LTBP4: variants seen among roughly 807,000 people sequenced by gnomAD.
LTBP4 encodes the protein latent-transforming growth factor beta-binding protein 4.
Under a neutral mutation model 180.2 loss-of-function variants are expected in LTBP4, and 93 were observed. The ratio of observed to expected loss-of-function variants is 0.52; its 90% confidence interval spans 0.44 to 0.61. The LOEUF (loss-of-function observed/expected upper bound fraction) is 0.61, where lower values mean the gene tolerates loss of function less well. Ranked by LOEUF, LTBP4 falls within the 20% of genes least tolerant of loss-of-function variation. LTBP4 has a pLI of 0.00. For synonymous variants in LTBP4, 947 were observed against 934.5 expected (o/e 1.01, Z -0.24); for missense variants, 2,116 against 2,256.5 (o/e 0.94, Z 1.26).
intron 21 of LTBP4, 72 bp from the exon 22 acceptor site, chr19:40,619,275 A>G: frequency 1.3e-6 from 2 of 1,493,716 alleles, no homozygotes; most frequent in Non-Finnish European, 1.8e-6. Flanking sequence ...GAAAGCTGAG[A>G]CTTTCGGACC....
rs1450735977 is a variant in LTBP4, at chr19:40,621,374, ATTTGGTCTTCTGTTT to A, written c.3218-1026_3218-1012del. Among the ~76,000 whole-genome samples, 3 of 152,102 alleles carry A rather than the reference ATTTGGTCTTCTGTTT, an allele frequency of 2.0e-5. No individual in the cohort carries two copies. The East Asian group carries it at 5.8e-4, about 29-fold the overall frequency. On this transcript the variant is annotated intron_variant, in intron 22 of 29. Coordinates refer to ENST00000396819, the MANE Select transcript of LTBP4 (RefSeq NM_001042545.2). ...TCACTTGTAAGTGAGAACATGTGGT[ATTTGGTCTTCTGTTT>A]CTGCATTAATTTGCTTAGGATAATG...
chr19:40,627,291 G>A lies in LTBP4; in HGVS notation c.4302G>A (p.Arg1434=). Residue 1434 remains arginine, a synonymous_variant, in exon 28 of 30, where the codon CGG becomes CGA. Coordinates refer to ENST00000396819, the MANE Select transcript of LTBP4 (RefSeq NM_001042545.2). ...GCCCGGGCACCCGCTGGCCCTATCGGTCCCGGGACACCCGCCGCTCCTTCC... is the reference window on the plus strand; with the variant it reads ...GCCCGGGCACCCGCTGGCCCTATCGATCCCGGGACACCCGCCGCTCCTTCC... The part of the protein sequence containing the change: ...PPGPGTRWPY[R]SRDTRRSFPE... The A allele has an allele frequency of 6.6e-7, 1 of 1,508,012 alleles. No individual in the cohort carries two copies. Among genetic ancestry groups the A allele is most frequent in the Admixed American group, 2.0e-5 (1 of 50,024 alleles). 93.4% of individuals were successfully genotyped at this position (1,508,012 alleles called of 1,614,324 possible).
Position 40,629,380 on chromosome 19 carries a change from T to C in LTBP4, c.4520-16T>C, listed in dbSNP as rs771065748. 6.2e-7 allele frequency: 1 copy of C among 1,612,364 alleles called. No individual in the cohort carries two copies. The highest frequency in any genetic ancestry group is 1.1e-5 in the South Asian group (1 of 91,086). On this transcript the variant is annotated splice_polypyrimidine_tract_variant and intron_variant, in intron 29 of 29. Coordinates refer to ENST00000396819, the MANE Select transcript of LTBP4 (RefSeq NM_001042545.2). The surrounding 1 kb of genome is among the most constrained non-coding windows in gnomAD (Gnocchi z 4.5). ...GGCCCCAGCCTTCAGCAGCGATCGT[T>C]GTCTCCCCTCCGCAGACATCAACGA...
rs768958537 is a variant in LTBP4 at position 40,613,847 on chromosome 19, G to A, written c.2558-69G>A. On this transcript the variant is annotated intron_variant, in intron 17 of 29. Transcript: ENST00000396819. The surrounding 1 kb of genome is among the most constrained non-coding windows in gnomAD (Gnocchi z 5.0). ...GGCCTAGGAGAGCCGAGGGGCGGTG[G>A]AGGGGTGTGGCCTAGAATGTTAGGC... 6.2e-7 allele frequency: 1 copy of A among 1,604,350 alleles called. No individual in the cohort carries two copies. The highest frequency in any genetic ancestry group is 8.5e-7 in the Non-Finnish European group (1 of 1,176,112).
upstream of LTBP4, chr19:40,600,204 T>A: frequency 8.3e-7 from 1 of 1,202,692 alleles, no homozygotes; most frequent in Non-Finnish European, 1.1e-6. This position sits in a 1 kb window ranked among gnomAD's most constrained non-coding sequence, Gnocchi z 4.4. Flanking sequence ...TTCCTCCGCC[T>A]GGGGCGAGGG....
intron 12 of LTBP4, chr19:40,610,890 G>A (rs1056327809): frequency 1.4e-6 from 1 of 735,830 alleles, no homozygotes; most frequent in Non-Finnish European, 2.2e-6. Flanking sequence ...GAATGAGGAG[G>A]GATGGAGATG....
rs2081639330 is a variant in LTBP4 at position 40,627,058 on chromosome 19, T to G, written c.4069T>G (p.Tyr1357Asp). ...AGGTGGCTTTGGACTCCCCTACGAG[T>G]ACGGCCCAGACTTAGGTCCACCTTA... is the stretch of plus-strand genomic sequence containing the variant. ...RPGGFGLPYE[Y>D]GPDLGPPYQG... is the part of the protein sequence containing the mutation. The change falls in exon 28 of 30, where the codon TAC (tyrosine) becomes GAC (aspartate). Residue 1357 changes from tyrosine to aspartate, a missense_variant. Tyr to Asp is a radical substitution (Grantham distance 160). This residue lies in a region of LTBP4 where 488 missense variants were observed against 458.8 expected (regional missense o/e 1.06). Transcript: ENST00000396819. The G allele has an allele frequency of 6.2e-7, 1 of 1,613,454 alleles. No homozygotes were observed. Among genetic ancestry groups the G allele is most frequent in the Non-Finnish European group, 8.5e-7 (1 of 1,179,644 alleles).
In LTBP4 at chr19:40,617,016, C is replaced by T; in HGVS notation, c.2940C>T (p.Cys980=). Residue 980 remains cysteine, a synonymous_variant, in exon 20 of 30, where the codon TGC becomes TGT. Coordinates refer to ENST00000396819, the MANE Select transcript of LTBP4 (RefSeq NM_001042545.2). ...ATCAGCCCACGCCAGGGGGCGGATG[C>T]CAGGGTGGGTGTCCATCAGGCATCG... The part of the protein sequence containing the change: ...PGYQPTPGGG[C]QDVDECRNRS... The T allele has an allele frequency of 6.2e-7, 1 of 1,612,910 alleles. No individual in the cohort carries two copies. The highest frequency in any genetic ancestry group is 1.1e-5 in the South Asian group (1 of 91,068).
At chr19:40,597,039 GC>G (rs1398022791), upstream of LTBP4, among the ~76,000 whole-genome samples, 1 of 152,116 alleles carries the variant, frequency 6.6e-6, no homozygotes, top group Non-Finnish European at 1.5e-5. Context: ...TGTCCCTGCT[GC>G]CTCCTGATTG....
In LTBP4 at chr19:40,608,242, G is replaced by T; in HGVS notation, c.1179G>T (p.Pro393=). The T allele has an allele frequency of 6.2e-7, 1 of 1,613,924 alleles. No homozygotes were observed. Among genetic ancestry groups the T allele is most frequent in the East Asian group, 2.2e-5 (1 of 44,880 alleles). ...FGSEGFREIC[P]AGPGYHYSAS... is the part of the protein sequence containing the mutation. ...CAGAGGGTTTCCGGGAGATCTGCCC[G>T]GCTGGTCCTGGTTACCACTACTCGG... Residue 393 remains proline (P), a synonymous_variant, in exon 8 of 30, where the codon CCG becomes CCT. Transcript: ENST00000396819.
In LTBP4 at chr19:40,611,993, G is replaced by T. The variant is rs375581403; in HGVS notation, c.2179+9G>T. 3.1e-6 allele frequency: 5 copies of T among 1,610,938 alleles called. No individual in the cohort carries two copies. In the African/African-American group the frequency reaches 4.0e-5, roughly 13 times the overall value. The stretch of plus-strand genomic sequence containing the variant: ...TGGCTCCGAGTGCGAGGGTGAGGCC[G>T]GGGAGGGAGGGAGGAGTGTGGATGG... On this transcript the variant is annotated intron_variant, in intron 14 of 29. Transcript: ENST00000396819. This position sits in a 1 kb window ranked among gnomAD's most constrained non-coding sequence, Gnocchi z 4.4.
chr19:40,627,028 C>A lies in LTBP4; in HGVS notation c.4039C>A (p.Arg1347=), dbSNP rs1382026467. The change falls in exon 28 of 30, where the codon CGA becomes AGA. Residue 1347 remains arginine, a synonymous_variant. Transcript: ENST00000396819. ...VLRPPAYSPP[R]PGGFGLPYEY... ...ACGCCCCCCCGCATATAGCCCCCCGCGACCAGGTGGCTTTGGACTCCCCTA... is the reference window on the plus strand; with the variant it reads ...ACGCCCCCCCGCATATAGCCCCCCGAGACCAGGTGGCTTTGGACTCCCCTA... 1.9e-6 allele frequency: 3 copies of A among 1,604,144 alleles called. No individual in the cohort carries two copies. The highest frequency in any genetic ancestry group is 1.7e-5 in the Admixed American group (1 of 59,304).
At position 40,629,608 on chromosome 19, in the gene LTBP4, TC is replaced by T. The variant is rs2068817983; in HGVS notation, c.*60del. 1.4e-5 allele frequency: 18 copies of T among 1,323,570 alleles called. No individual in the cohort carries two copies. In the South Asian group the frequency reaches 3.3e-4, roughly 24 times the overall value. 82.0% of individuals were successfully genotyped at this position (1,323,570 alleles called of 1,614,324 possible). On this transcript the variant is annotated 3_prime_UTR_variant, in exon 30 of 30. Coordinates refer to ENST00000396819, the MANE Select transcript of LTBP4 (RefSeq NM_001042545.2). The surrounding 1 kb of genome is among the most constrained non-coding windows in gnomAD (Gnocchi z 4.5). ...CGCCACTCGGGGCCCCTGCCGCGCA[TC>T]CTGCAGCCCGCTTATGCGTATGTGC...
intron 1 of LTBP4, among the ~76,000 whole-genome samples, chr19:40,602,732 C>T (rs959843415): frequency 2.0e-5 from 3 of 152,186 alleles, no homozygotes; most frequent in South Asian, 2.1e-4. Flanking sequence ...CTCAACTCCC[C>T]GCTTGGCCAG....
chr19:40,612,156 C>T lies in LTBP4; in HGVS notation c.2263C>T (p.Pro755Ser). 2 of 1,611,402 alleles carry T rather than the reference C, an allele frequency of 1.2e-6. No homozygotes were observed. Among genetic ancestry groups the T allele is most frequent in the South Asian group, 2.2e-5 (2 of 90,302 alleles). The change falls in exon 15 of 30, where the codon CCT becomes TCT. Residue 755 changes from proline (P) to serine (S), a missense_variant. Pro to Ser is a moderately conservative substitution (Grantham distance 74). Coordinates refer to ENST00000396819, the MANE Select transcript of LTBP4 (RefSeq NM_001042545.2). ...CGGCTCCTTCCAGTGCAGGACCTGTCCTTCTGGCCACCACCTGCACCGTGG... is the reference window on the plus strand; with the variant it reads ...CGGCTCCTTCCAGTGCAGGACCTGTTCTTCTGGCCACCACCTGCACCGTGG... ...SPGSFQCRTC[P>S]SGHHLHRGRC...
rs745863386 is a variant in LTBP4, at chr19:40,611,408, G to C, written c.2053+14G>C. ...CCCCCTGCCAAGGTGAGGGTGCTGA[G>C]CCCAGCCCTACTCCATCACTGTTTG... On this transcript the variant is annotated intron_variant, in intron 13 of 29. Coordinates refer to ENST00000396819, the MANE Select transcript of LTBP4 (RefSeq NM_001042545.2). The surrounding 1 kb of genome is among the most constrained non-coding windows in gnomAD (Gnocchi z 4.4). 3.1e-6 allele frequency: 5 copies of C among 1,598,084 alleles called. No homozygotes were observed. Among genetic ancestry groups the C allele is most frequent in the Non-Finnish European group, 4.3e-6 (5 of 1,175,474 alleles).
chr19:40,619,321 T>G, intron 21 of LTBP4, 26 bp from the exon 22 acceptor site: 11 of 1,607,916 alleles, frequency 6.8e-6, no homozygotes, highest in Non-Finnish European at 9.4e-6. Context: ...ACTGAGTCCC[T>G]CTCCCCTGTT....
At chr19:40,619,567 TG>T (rs2081572488) in intron 22 of LTBP4, 74 bp downstream of exon 22, 3 of 1,471,002 alleles carry the variant, frequency 2.0e-6, no homozygotes, top group African/African-American at 2.8e-5. Flanking sequence ...TCATTCCTGA[TG>T]TGGACAGCTA....
At chr19:40,597,316 G>GCCAGCCCCAGCC, upstream of LTBP4, 1 of 1,525,532 alleles carries the variant, frequency 6.6e-7, no homozygotes. Flanking sequence ...CACCTCCGCC[G>GCCAGCCCCAGCC]CCAGCCCCAG....
Sources: gnomAD v4.1 joint callset for allele counts (sites outside exome capture counted in the v4.1 genomes callset) on GRCh38, gnomAD v4.1.1 for gene constraint, gnomAD v4.1.1 regional missense constraint, Gnocchi (gnomAD v3.1) non-coding constraint, MANE v1.5 for transcripts, NCBI Gene and HGNC (gene_info 2026-07-23, HGNC 2026-07-21) for gene names.